PGR: variants seen among roughly 807,000 people sequenced by gnomAD.
PGR encodes the protein nuclear receptor subfamily 3 group C member 3.
PGR carries 25 observed loss-of-function variants against 76.1 expected under a neutral mutation model. The observed-to-expected ratio is 0.33, with a 90% CI of 0.24 to 0.46. The LOEUF (loss-of-function observed/expected upper bound fraction) is 0.46, where lower values mean the gene tolerates loss of function less well. PGR is among the 20% of genes least tolerant of loss of function. The probability of loss-of-function intolerance (pLI) is 1.00; values close to 1 mark genes in which losing one functional copy is unlikely to be tolerated. For missense variants in PGR, 1,172 were observed against 1,225.3 expected (o/e 0.96, Z 0.65); for synonymous variants, 579 against 535.0 (o/e 1.08, Z -1.14).
In PGR at chr11:101,129,688, G is replaced by T. The variant is rs529695032; in HGVS notation, c.-618C>A. 58 of 181,236 alleles carry T rather than the reference G, an allele frequency of 3.2e-4. No individual in the cohort carries two copies. In the South Asian group the frequency reaches 0.011, roughly 35 times the overall value. 11.2% of individuals were successfully genotyped at this position (181,236 alleles called of 1,614,324 possible). On this transcript the variant is annotated 5_prime_UTR_variant, in exon 1 of 8. Transcript: ENST00000325455. Reference sequence around the variant, plus strand: ...CGAAGATCTCAGATCCCAGTAGTGCGGGAGCACTAGCCGCCTCGGGTTGTA... The same window carrying T: ...CGAAGATCTCAGATCCCAGTAGTGCTGGAGCACTAGCCGCCTCGGGTTGTA...
intron 3 of PGR, among the ~76,000 whole-genome samples, chr11:101,082,125 A>ACTCT (rs3067562): frequency 4.8e-5 from 7 of 145,566 alleles, no homozygotes; most frequent in Non-Finnish European, 1.1e-4. Context: ...TTCCCCTCTC[A>ACTCT]CTCTCTCTCT....
chr11:101,124,543 T>C (rs1482040687), intron 2 of PGR, among the ~76,000 whole-genome samples: 1 of 152,148 alleles, frequency 6.6e-6, no homozygotes, highest in Non-Finnish European at 1.5e-5. Context: ...GTAGGACAAA[T>C]TGGGCTTAAG....
At chr11:101,108,967 A>G (rs1862262069) in intron 2 of PGR, among the ~76,000 whole-genome samples, 1 of 152,156 alleles carries the variant, frequency 6.6e-6, no homozygotes, top group African/African-American at 2.4e-5. Context: ...AAATATTTCA[A>G]ACTTTTTCAT....
chr11:101,100,845 TC>T (rs1354388316), intron 2 of PGR, among the ~76,000 whole-genome samples: 3 of 151,684 alleles, frequency 2.0e-5, no homozygotes, highest in Admixed American at 6.6e-5. Context: ...GCACAGGACA[TC>T]CCCCCCTGCA....
intron 7 of PGR, 62 bp downstream of exon 7, chr11:101,041,883 T>G: frequency 6.9e-7 from 1 of 1,444,276 alleles, no homozygotes; most frequent in Non-Finnish European, 9.7e-7. Context: ...CATGTAACAT[T>G]TAAAAAGTTA....
intron 2 of PGR, among the ~76,000 whole-genome samples, chr11:101,112,237 T>A (rs1009572002): frequency 6.6e-6 from 1 of 152,180 alleles, no homozygotes; most frequent in Admixed American, 6.6e-5. Flanking sequence ...AGAAAAATGA[T>A]TGGTGGCTGA....
rs199860131 is a variant in PGR at position 101,074,136 on chromosome 11, G to A, written c.1907-11384C>T. ...CAAAAAGCTTATCCACCATGATCAG[G>A]TCAGTTTCATCCCTGAGATGAAAGC... On this transcript the variant is annotated intron_variant, in intron 3 of 7. Coordinates refer to ENST00000325455, the MANE Select transcript of PGR (RefSeq NM_000926.4). 2.0e-5 allele frequency among the ~76,000 whole-genome samples: 3 copies of A among 152,070 alleles called. No individual in the cohort carries two copies. In the East Asian group the frequency reaches 5.8e-4, roughly 29 times the overall value.
In PGR at chr11:101,128,581, G is replaced by T. The variant is rs746050263; in HGVS notation, c.490C>A (p.Leu164Ile). The T allele has an allele frequency of 1.8e-5, 29 of 1,596,084 alleles. No individual in the cohort carries two copies. Among genetic ancestry groups the T allele is most frequent in the Non-Finnish European group, 2.4e-5 (28 of 1,174,014 alleles). Residue 164 changes from leucine to isoleucine, a missense_variant, in exon 1 of 8, where the codon CTC becomes ATC. This residue lies in a region of PGR where 893 missense variants were observed against 785.9 expected (regional missense o/e 1.14). Transcript: ENST00000325455. ...ACCTTGCACCCGGACCGGCTCATGA[G>T]CGGGGACAACACCCGCTGGGTGGCG... ...APATQRVLSP[L>I]MSRSGCKVGD...
At chr11:101,103,214 T>C (rs1031316427) in intron 2 of PGR, among the ~76,000 whole-genome samples, 1 of 152,050 alleles carries the variant, frequency 6.6e-6, no homozygotes, top group Admixed American at 6.5e-5. Flanking sequence ...CGTAGGCTTG[T>C]TCTAGGTTGG....
Position 101,099,664 on chromosome 11 carries a change from T to A in PGR, c.1790-7788A>T, listed in dbSNP as rs564403404. Among the ~76,000 whole-genome samples, 14 of 152,306 alleles carry A rather than the reference T, an allele frequency of 9.2e-5. No individual in the cohort carries two copies. The South Asian group carries it at 2.1e-3, about 23-fold the overall frequency. On this transcript the variant is annotated intron_variant, in intron 2 of 7. Coordinates refer to ENST00000325455, the MANE Select transcript of PGR (RefSeq NM_000926.4). ...GTCCAGAAGCAGAGGGTCACGGTCA[T>A]GTCCAGAGAGAAGAGAGGTGTCTAC...
rs746145332 is a variant in PGR, at chr11:101,039,237, G to A, written c.2681C>T (p.Thr894Ile). 2.5e-6 allele frequency: 4 copies of A among 1,611,210 alleles called. No individual in the cohort carries two copies. Among genetic ancestry groups the A allele is most frequent in the Admixed American group, 1.7e-5 (1 of 59,868 alleles). Residue 894 changes from threonine (T) to isoleucine (I), a missense_variant, in exon 8 of 8, where the codon ACA (threonine) becomes ATA (isoleucine). Thr to Ile is a moderately conservative substitution (Grantham distance 89). Coordinates refer to ENST00000325455, the MANE Select transcript of PGR (RefSeq NM_000926.4). ...ACTCAGTGCCCGGGACTGGATAAAT[G>A]TATTCAAGCAGTACAGATGAAGTTG... ...VKQLHLYCLN[T>I]FIQSRALSVE...
chr11:101,110,038 C>G (rs980772111), intron 2 of PGR, among the ~76,000 whole-genome samples: 2 of 152,280 alleles, frequency 1.3e-5, no homozygotes, highest in Middle Eastern at 6.8e-3. Flanking sequence ...GCATGGTCCA[C>G]TAACTACTTT....
chr11:101,117,911 T>C (rs867309398), intron 2 of PGR, among the ~76,000 whole-genome samples: 1 of 152,208 alleles, frequency 6.6e-6, no homozygotes, highest in African/African-American at 2.4e-5. Context: ...TTGTGAAGAA[T>C]AGAAATATTA....
chr11:101,057,853 T>A (rs191209785), intron 4 of PGR, among the ~76,000 whole-genome samples: 10 of 152,264 alleles, frequency 6.6e-5, no homozygotes, highest in African/African-American at 2.4e-4. Flanking sequence ...GGTGGAGCTG[T>A]GTAATAAGCA....
chr11:101,084,656 TA>T (rs113646711), intron 3 of PGR, among the ~76,000 whole-genome samples: 24,820 of 139,140 alleles, frequency 0.18, 3,292 homozygotes, highest in East Asian at 0.78. Flanking sequence ...AGACTCCATC[TA>T]AAAAAAAAAA....
Position 101,106,617 on chromosome 11 carries a change from G to A in PGR, c.1790-14741C>T, listed in dbSNP as rs190049307. Among the ~76,000 whole-genome samples, 314 of 152,276 alleles carry A rather than the reference G, an allele frequency of 2.1e-3. 2 individuals are homozygous for A. The highest frequency in any genetic ancestry group is 3.2e-3 in the Non-Finnish European group (220 of 68,024). On this transcript the variant is annotated intron_variant, in intron 2 of 7. Coordinates refer to ENST00000325455, the MANE Select transcript of PGR (RefSeq NM_000926.4). ...TAGGAAAGCTTTTACACTGTTGGTG[G>A]GAGTGTAAATTAGTTCAACCATTGT...
At chr11:101,046,152 G>A (rs1859871752) in intron 6 of PGR, among the ~76,000 whole-genome samples, 1 of 150,432 alleles carries the variant, frequency 6.6e-6, no homozygotes, top group South Asian at 2.1e-4. Flanking sequence ...TTGAGACATG[G>A]TCTCACTCAA....
chr11:101,060,819 A>G (rs1364710318), intron 4 of PGR, among the ~76,000 whole-genome samples: 1 of 152,208 alleles, frequency 6.6e-6, no homozygotes, highest in Non-Finnish European at 1.5e-5. Flanking sequence ...GCAGCATTAA[A>G]AAAGTTGCCA....
chr11:101,079,147 C>T (rs1024557008), intron 3 of PGR, among the ~76,000 whole-genome samples: 43 of 152,038 alleles, frequency 2.8e-4, no homozygotes, highest in African/African-American at 1.0e-3. Flanking sequence ...CGATTAAAGA[C>T]TTAAGTGTAA....
Sources: gnomAD v4.1 joint callset for allele counts (sites outside exome capture counted in the v4.1 genomes callset) on GRCh38, gnomAD v4.1.1 for gene constraint, gnomAD v4.1.1 regional missense constraint, MANE v1.5 for transcripts, NCBI Gene and HGNC (gene_info 2026-07-23, HGNC 2026-07-21) for gene names.